The following ALPK2 variants were observed in gnomAD, a reference collection of about 807,000 sequenced individuals.
ALPK2 encodes the protein alpha kinase 2.
Under a neutral mutation model 163.1 loss-of-function variants are expected in ALPK2, and 127 were observed. That is an observed-to-expected ratio of 0.78 (90% confidence interval 0.67 to 0.90). The LOEUF is 0.90. ALPK2 is among the 40% of genes least tolerant of loss of function. ALPK2 has a pLI of 0.00. For missense variants in ALPK2, 2,360 were observed against 2,589.6 expected (o/e 0.91, Z 1.92); for synonymous variants, 953 against 959.1 (o/e 0.99, Z 0.12).
intron 3 of ALPK2, among the ~76,000 whole-genome samples, chr18:58,586,746 G>A (rs143568136): frequency 5.4e-4 from 79 of 145,212 alleles, no homozygotes; most frequent in African/African-American, 1.9e-3. Context: ...TTCCCTAGGG[G>A]CATTTGTAAA....
intron 3 of ALPK2, among the ~76,000 whole-genome samples, chr18:58,593,945 A>G (rs1475516609): frequency 1.2e-5 from 1 of 86,232 alleles, no homozygotes; most frequent in Non-Finnish European, 2.2e-5. Flanking sequence ...TCTTCCCCCA[A>G]CCAAAAAAAA....
chr18:58,596,985 T>A (rs960237484), intron 3 of ALPK2, among the ~76,000 whole-genome samples: 53 of 151,874 alleles, frequency 3.5e-4, no homozygotes, highest in African/African-American at 1.2e-3. Context: ...CACCCCAAGC[T>A]AATTAAAAAA....
Position 58,535,561 on chromosome 18 carries a change from A to G in ALPK2, c.4626T>C (p.Ser1542=). 1.9e-6 allele frequency: 3 copies of G among 1,614,232 alleles called. No homozygotes were observed. Among genetic ancestry groups the G allele is most frequent in the Non-Finnish European group, 2.5e-6 (3 of 1,180,034 alleles). The change falls in exon 5 of 13, where the codon TCT becomes TCC. Residue 1542 remains serine, a synonymous_variant. Transcript: ENST00000361673. ...CGTGAGTCATTATTGGAAGACAACT[A>G]GAAAGAGGTGAAGTGGGGGAAATCA... ...AELISPTSPL[S]SCLPIMTHAS...
Position 58,621,507 on chromosome 18 carries a change from G to A in ALPK2, c.-21+7257C>T, listed in dbSNP as rs112700078. Among the ~76,000 whole-genome samples, 1,177 of 152,238 alleles carry A rather than the reference G, an allele frequency of 7.7e-3. 14 individuals carry two copies. The highest frequency in any genetic ancestry group is 0.027 in the African/African-American group (1,128 of 41,562). ...AGGATGGTCTCGATCTCCTGACATC[G>A]TGATCCGCCCGCCTCGGCCTCCCAA... On this transcript the variant is annotated intron_variant, in intron 1 of 12. Transcript: ENST00000361673.
At chr18:58,596,913 C>A (rs999232753) in intron 3 of ALPK2, among the ~76,000 whole-genome samples, 2 of 152,156 alleles carry the variant, frequency 1.3e-5, no homozygotes, top group Non-Finnish European at 1.5e-5. Flanking sequence ...CTCAACCCCC[C>A]AGGCCCAACC....
intron 4 of ALPK2, among the ~76,000 whole-genome samples, chr18:58,559,539 G>A (rs1350876934): frequency 6.6e-6 from 1 of 152,160 alleles, no homozygotes; most frequent in East Asian, 1.9e-4. Context: ...CTCAGGCCAG[G>A]AACTCCTAGT....
chr18:58,491,720 A>G (rs779190079), intron 12 of ALPK2, among the ~76,000 whole-genome samples: 4 of 152,190 alleles, frequency 2.6e-5, no homozygotes, highest in Non-Finnish European at 5.9e-5. Flanking sequence ...AGCTGGCCCT[A>G]TGTGAATTAA....
chr18:58,583,771 C>CG (rs374505484), intron 3 of ALPK2, among the ~76,000 whole-genome samples: 35 of 150,154 alleles, frequency 2.3e-4, no homozygotes, highest in African/African-American at 5.9e-4. Flanking sequence ...AAGAAAAAGG[C>CG]GGGGGGGCTG....
At chr18:58,558,093 T>C (rs1044737280) in intron 4 of ALPK2, among the ~76,000 whole-genome samples, 2 of 152,236 alleles carry the variant, frequency 1.3e-5, no homozygotes, top group African/African-American at 4.8e-5. Context: ...TTTTAATTAA[T>C]GTGCATGTAA....
At chr18:58,522,201 G>A (rs1306175078) in intron 8 of ALPK2, among the ~76,000 whole-genome samples, 1 of 152,154 alleles carries the variant, frequency 6.6e-6, no homozygotes, top group African/African-American at 2.4e-5. Context: ...ATGTGGAGCT[G>A]GCCTTCTGCA....
chr18:58,487,367 A>T (rs1375767535), intron 12 of ALPK2, among the ~76,000 whole-genome samples: 8 of 152,142 alleles, frequency 5.3e-5, no homozygotes, highest in Non-Finnish European at 1.5e-5. Context: ...GCCAGAGGAG[A>T]GGCATGGAAC....
At chr18:58,619,680 T>A (rs1178093459) in intron 1 of ALPK2, among the ~76,000 whole-genome samples, 1 of 152,332 alleles carries the variant, frequency 6.6e-6, no homozygotes, top group East Asian at 1.9e-4. Flanking sequence ...AAAGAGTGTG[T>A]TTATGTAAAA....
At chr18:58,607,208 A>C in intron 3 of ALPK2, 114 bp downstream of exon 3, 1 of 661,386 alleles carries the variant, frequency 1.5e-6, no homozygotes, top group Non-Finnish European at 2.4e-6. Flanking sequence ...GGCATCTAAA[A>C]TTATGACTCT....
intron 3 of ALPK2, among the ~76,000 whole-genome samples, chr18:58,605,180 G>A (rs184590881): frequency 3.2e-4 from 49 of 152,216 alleles, no homozygotes; most frequent in Admixed American, 1.4e-3. Context: ...ACTATAGCCC[G>A]CAGGCCAAAT....
intron 4 of ALPK2, among the ~76,000 whole-genome samples, chr18:58,540,235 G>C (rs1185875860): frequency 6.6e-6 from 1 of 151,982 alleles, no homozygotes; most frequent in African/African-American, 2.4e-5. Flanking sequence ...GACAGCTGTA[G>C]CCAACTTCAC....
At position 58,537,132 on chromosome 18, in the gene ALPK2, G is replaced by T. The variant is rs767764116; in HGVS notation, c.3055C>A (p.Pro1019Thr). 76 of 1,613,992 alleles carry T rather than the reference G, an allele frequency of 4.7e-5. No homozygotes were observed. The highest frequency in any genetic ancestry group is 6.4e-5 in the Non-Finnish European group (75 of 1,179,968). Residue 1019 changes from proline (P) to threonine (T), a missense_variant, in exon 5 of 13, where the codon CCA (proline) becomes ACA (threonine). By Grantham distance (38) the Pro-to-Thr change is conservative. Transcript: ENST00000361673. ...ATTGACACAGCAAGGTATTTGGCTG[G>T]GTGGACTTCGGTGGCAATGGTAACA... Reference protein sequence around the residue: ...STVTIATEVHPAKYLAVSIPE... With the variant: ...STVTIATEVHTAKYLAVSIPE...
chr18:58,619,806 A>G (rs1223687851), intron 1 of ALPK2, among the ~76,000 whole-genome samples: 1 of 152,216 alleles, frequency 6.6e-6, no homozygotes, highest in African/African-American at 2.4e-5. Flanking sequence ...TATCTTCCCA[A>G]GAGAAATGAA....
intron 4 of ALPK2, among the ~76,000 whole-genome samples, chr18:58,576,704 T>C (rs1009590398): frequency 1.3e-5 from 2 of 152,130 alleles, no homozygotes; most frequent in African/African-American, 4.8e-5. Context: ...TTTGCGTGGG[T>C]AAAAGAATCT....
intron 4 of ALPK2, among the ~76,000 whole-genome samples, chr18:58,573,236 G>GTATATATGTGTATATA (rs2051896124): frequency 7.2e-6 from 1 of 139,374 alleles, no homozygotes; most frequent in African/African-American, 2.7e-5. Context: ...GTATATGTGT[G>GTATATATGTGTATATA]TATATATGTG....
Sources: gnomAD v4.1 joint callset for allele counts (sites outside exome capture counted in the v4.1 genomes callset) on GRCh38, gnomAD v4.1.1 for gene constraint, MANE v1.5 for transcripts, NCBI Gene and HGNC (gene_info 2026-07-23, HGNC 2026-07-21) for gene names.